Variants in COL19A1 observed in about 807,000 individuals in gnomAD.
COL19A1 encodes the protein collagen type XIX alpha 1 chain.
A neutral mutation model predicts 190.2 loss-of-function variants in COL19A1; 159 were observed. That is an observed-to-expected ratio of 0.84 (90% CI 0.73 to 0.95). COL19A1 has a LOEUF of 0.95. Ranked by LOEUF, COL19A1 falls within the 40% of genes least tolerant of loss-of-function variation. The pLI is 0.00. For missense variants in COL19A1, 1,418 were observed against 1,431.9 expected, an observed-to-expected ratio of 0.99 and a Z score of 0.16; for synonymous variants, 509 against 458.9, an observed-to-expected ratio of 1.11 and a Z score of -1.39.
intron 2 of COL19A1, among the ~76,000 whole-genome samples, chr6:69,896,017 A>G (rs1440863219): frequency 6.6e-6 from 1 of 152,166 alleles, no homozygotes; most frequent in Non-Finnish European, 1.5e-5. Context: ...TACAGTTCAT[A>G]TATATTTAGC....
intron 20 of COL19A1, 28 bp from the exon 21 acceptor site, chr6:70,141,865 A>G (rs1390626442): frequency 1.4e-6 from 2 of 1,446,514 alleles, no homozygotes; most frequent in Non-Finnish European, 9.7e-7. Flanking sequence ...TTTAAGCATT[A>G]CCCTTATAGT....
At chr6:69,946,680 G>A (rs963176975) in intron 9 of COL19A1, among the ~76,000 whole-genome samples, 5 of 151,882 alleles carry the variant, frequency 3.3e-5, no homozygotes, top group African/African-American at 1.2e-4. Flanking sequence ...CCCCTTAAAA[G>A]TAATCTCCTA....
At chr6:70,100,799 A>T (rs189132974) in intron 15 of COL19A1, among the ~76,000 whole-genome samples, 165 of 152,198 alleles carry the variant, frequency 1.1e-3, no homozygotes, top group African/African-American at 3.9e-3. Flanking sequence ...TTTTTAAAAA[A>T]TTTTAAATCT....
chr6:70,142,772 G>A lies in COL19A1; in HGVS notation c.1578G>A (p.Gln526=). 6.2e-7 allele frequency: 1 copy of A among 1,611,646 alleles called. No homozygotes were observed. Among genetic ancestry groups the A allele is most frequent in the Non-Finnish European group, 8.5e-7 (1 of 1,178,744 alleles). The change falls in exon 23 of 51, where the codon CAG becomes CAA. Residue 526 remains glutamine (Q), a synonymous_variant. Transcript: ENST00000620364. ...GLIGSPGLKG[Q]QGSAGSMGPR... ...TATACCACCTTTTATTTTAGGGTCA[G>A]CAAGGATCTGCAGGCTCCATGGGAC...
rs1379407438 is a variant in COL19A1, at chr6:69,921,384, A to T, written c.267-6525A>T. On this transcript the variant is annotated intron_variant, in intron 4 of 50. Transcript: ENST00000620364. The stretch of plus-strand genomic sequence containing the variant: ...CATATATATCATATATATCATATAT[A>T]TCATATATATCATATATCATATATA... 2.7e-5 allele frequency among the ~76,000 whole-genome samples: 3 copies of T among 111,018 alleles called. No homozygotes were observed. The East Asian group carries it at 7.1e-4, about 26-fold the overall frequency. The allele number at this position is 111,018 out of a possible 152,430, so 72.8% of individuals were successfully genotyped here. A position where few individuals can be genotyped will look rare whatever the true frequency, so the allele number is the denominator to read the frequency against.
At chr6:70,036,236 C>A (rs2150118460) in intron 14 of COL19A1, among the ~76,000 whole-genome samples, 1 of 152,304 alleles carries the variant, frequency 6.6e-6, no homozygotes, top group Middle Eastern at 3.4e-3. Context: ...TTTGATTATG[C>A]ACTCTTAACA....
chr6:70,182,337 T>G (rs1321076513), intron 44 of COL19A1, among the ~76,000 whole-genome samples: 2 of 152,024 alleles, frequency 1.3e-5, no homozygotes, highest in African/African-American at 4.8e-5. Flanking sequence ...TGCTGTTTGG[T>G]GAAATGGGGC....
intron 1 of COL19A1, among the ~76,000 whole-genome samples, chr6:69,874,764 A>G (rs1474959788): frequency 6.6e-6 from 1 of 152,162 alleles, no homozygotes; most frequent in African/African-American, 2.4e-5. Flanking sequence ...AAAAATAAAA[A>G]AAAAAGAAGT....
intron 11 of COL19A1, among the ~76,000 whole-genome samples, chr6:69,988,995 A>AT (rs1178792259): frequency 6.6e-6 from 1 of 152,082 alleles, no homozygotes; most frequent in Non-Finnish European, 1.5e-5. Flanking sequence ...GAAACCTGTA[A>AT]TTTTTATGAA....
At chr6:70,065,360 G>C (rs1781113218) in intron 14 of COL19A1, among the ~76,000 whole-genome samples, 1 of 152,172 alleles carries the variant, frequency 6.6e-6, no homozygotes, top group Non-Finnish European at 1.5e-5. Flanking sequence ...AATGGGGAAA[G>C]GATTCCCTAT....
chr6:70,185,873 T>G (rs1766482017), intron 46 of COL19A1, among the ~76,000 whole-genome samples: 1 of 152,162 alleles, frequency 6.6e-6, no homozygotes, highest in Non-Finnish European at 1.5e-5. Flanking sequence ...GAAGGAAATG[T>G]GAAAATACAG....
At chr6:69,951,181 C>T (rs1322197789) in intron 9 of COL19A1, among the ~76,000 whole-genome samples, 4 of 151,908 alleles carry the variant, frequency 2.6e-5, no homozygotes, top group Non-Finnish European at 5.9e-5. Context: ...CAGAGTTAGA[C>T]TGCCTGGGTT....
At chr6:69,867,244 G>C (rs977015435) in intron 1 of COL19A1, among the ~76,000 whole-genome samples, 8 of 152,150 alleles carry the variant, frequency 5.3e-5, no homozygotes, top group Non-Finnish European at 1.0e-4. Context: ...GCGGCTTCTG[G>C]GGGGCGGCGC....
intron 41 of COL19A1, among the ~76,000 whole-genome samples, chr6:70,175,832 C>T (rs988283929): frequency 6.6e-6 from 1 of 152,180 alleles, no homozygotes; most frequent in Non-Finnish European, 1.5e-5. Context: ...TCTCCAAGAA[C>T]AGAGCATATC....
At position 70,149,858 on chromosome 6, in the gene COL19A1, G is replaced by A. The variant is rs141366908; in HGVS notation, c.1937G>A (p.Arg646Gln). ...ATTTCCCTCCTTTTCCAGGGTCCTC[G>A]AGGTCTCCCTGGGTTGCCAGGAACT... ...PAGEPGIQGP[R>Q]GLPGLPGTPG... Residue 646 changes from arginine to glutamine, a missense_variant, in exon 29 of 51, where the codon CGA becomes CAA. Physicochemically the swap from Arg to Gln is conservative, Grantham distance 43. Transcript: ENST00000620364. 8.2e-5 allele frequency: 133 copies of A among 1,613,586 alleles called. No homozygotes were observed. In the Middle Eastern group the frequency reaches 1.3e-3, roughly 16 times the overall value.
chr6:69,981,590 A>G (rs1424019971), intron 11 of COL19A1, among the ~76,000 whole-genome samples: 1 of 152,022 alleles, frequency 6.6e-6, no homozygotes, highest in Non-Finnish European at 1.5e-5. Context: ...AAAGAAATTA[A>G]AAAGTGAGAG....
chr6:70,065,672 A>G (rs1201377564), intron 14 of COL19A1, among the ~76,000 whole-genome samples: 2 of 152,354 alleles, frequency 1.3e-5, no homozygotes, highest in Admixed American at 1.3e-4. Flanking sequence ...TGAACAGGCA[A>G]CCTACAGAAT....
chr6:70,010,703 G>C lies in COL19A1; in HGVS notation c.1027-12924G>C, dbSNP rs569494048. Among the ~76,000 whole-genome samples the C allele has an allele frequency of 7.3e-5, 10 of 136,668 alleles. 1 individual carries two copies. The South Asian group carries it at 1.9e-3, about 26-fold the overall frequency. The allele number at this position is 136,668 out of a possible 152,430, so 89.7% of individuals were successfully genotyped here. A position where few individuals can be genotyped will look rare whatever the true frequency, so the allele number is the denominator to read the frequency against. ...ACTATATCCCACACCTGGCTCGGAG[G>C]GTCCTACACCCACGGAATCTCGCTG... is the stretch of plus-strand genomic sequence containing the variant. On this transcript the variant is annotated intron_variant, in intron 11 of 50. Transcript: ENST00000620364.
rs1430379143 is a variant in COL19A1, at chr6:69,935,963, C to G, written c.748-822C>G. On this transcript the variant is annotated intron_variant, in intron 7 of 50. Transcript: ENST00000620364. ...ATTTTAGTTTTGTATCCTGAAAATA[C>G]TTTACCATGCATTTATAATTTGTGG... 2.6e-5 allele frequency among the ~76,000 whole-genome samples: 4 copies of G among 152,036 alleles called. No homozygotes were observed. In the East Asian group the frequency reaches 5.8e-4, roughly 22 times the overall value.
Sources: gnomAD v4.1 joint callset for allele counts (sites outside exome capture counted in the v4.1 genomes callset) on GRCh38, gnomAD v4.1.1 for gene constraint, MANE v1.5 for transcripts, NCBI Gene and HGNC (gene_info 2026-07-23, HGNC 2026-07-21) for gene names.